MYH11: variants seen among roughly 807,000 people sequenced by gnomAD.
MYH11 encodes the protein myosin-11.
In MYH11, 80 loss-of-function variants were observed where a neutral mutation model predicts 246.6. That is an observed-to-expected ratio of 0.32 (90% CI 0.27 to 0.39). The LOEUF (loss-of-function observed/expected upper bound fraction) is 0.39. MYH11 is among the 10% of genes least tolerant of loss of function. MYH11 has a pLI of 1.00. For missense variants in MYH11, 2,158 were observed against 2,546.8 expected, an observed-to-expected ratio of 0.85 and a Z score of 3.29; for synonymous variants, 1,071 against 1,015.5, an observed-to-expected ratio of 1.05 and a Z score of -1.04.
In MYH11 at chr16:15,726,883, G is replaced by A. The variant is rs1182738877; in HGVS notation, c.3823C>T (p.Arg1275Trp). 1.1e-5 allele frequency: 17 copies of A among 1,612,268 alleles called. No homozygotes were observed. Among genetic ancestry groups the A allele is most frequent in the South Asian group, 5.5e-5 (5 of 91,076 alleles). The change falls in exon 28 of 41, where the codon CGG (arginine) becomes TGG (tryptophan). Residue 1275 changes from arginine (R) to tryptophan (W), a missense_variant. Arg to Trp is a moderately radical substitution (Grantham distance 101). Coordinates refer to ENST00000300036, the MANE Select transcript of MYH11 (RefSeq NM_002474.3). Reference sequence around the variant, plus strand: ...TGGACTTTGTCATTGAGCTCCGCCCGGGCCCGCTCCCCATCGCTGCACTTG... The same window carrying A: ...TGGACTTTGTCATTGAGCTCCGCCCAGGCCCGCTCCCCATCGCTGCACTTG... Reference protein sequence around the residue: ...QSKCSDGERARAELNDKVHKL... With the variant: ...QSKCSDGERAWAELNDKVHKL...
At chr16:15,816,223 A>G (rs113366165) in intron 3 of MYH11, among the ~76,000 whole-genome samples, 312 of 152,316 alleles carry the variant, frequency 2.0e-3, no homozygotes, top group African/African-American at 7.2e-3. Flanking sequence ...GGTGAAAAAG[A>G]TCCTATATGA....
chr16:15,719,859 C>G, intron 34 of MYH11, 146 bp from the exon 35 acceptor site: 1 of 1,265,480 alleles, frequency 7.9e-7, no homozygotes. Context: ...CTCTCAGTTC[C>G]AGGTGGCTGG....
chr16:15,753,434 A>T lies in MYH11; in HGVS notation c.1824T>A (p.Asn608Lys), dbSNP rs2041627821. 2 of 1,614,142 alleles carry T rather than the reference A, an allele frequency of 1.2e-6. No individual in the cohort carries two copies. Among genetic ancestry groups the T allele is most frequent in the East Asian group, 4.5e-5 (2 of 44,880 alleles). ...CGGCCACAAACTTGTCGGAGGAGGC[A>T]TTGAGCAGGGAAGTCACGTTGTCAT... ...PLNDNVTSLL[N>K]ASSDKFVADL... Residue 608 changes from asparagine (N) to lysine (K), a missense_variant, in exon 15 of 41, where the codon AAT becomes AAA. Around this residue, in one of 11 missense-constraint regions of MYH11, gnomAD observed 317 missense variants for 507.7 expected, o/e 0.62. Coordinates refer to ENST00000300036, the MANE Select transcript of MYH11 (RefSeq NM_002474.3).
intron 8 of MYH11, 111 bp from the exon 9 acceptor site, chr16:15,771,823 A>C: frequency 7.1e-7 from 1 of 1,412,496 alleles, no homozygotes; most frequent in Non-Finnish European, 9.8e-7. Flanking sequence ...CCCTTTATCA[A>C]GGCTTGAACC....
At chr16:15,746,057 C>T (rs959004733) in intron 19 of MYH11, among the ~76,000 whole-genome samples, 3 of 151,780 alleles carry the variant, frequency 2.0e-5, no homozygotes, top group Admixed American at 6.6e-5. Context: ...GTTGGGACTA[C>T]GGGCACATGC....
chr16:15,709,943 G>A (rs750808355), intron 40 of MYH11, among the ~76,000 whole-genome samples: 9 of 152,092 alleles, frequency 5.9e-5, no homozygotes, highest in African/African-American at 1.2e-4. Context: ...GGCTTGTGTC[G>A]AGATGCGTCT....
At chr16:15,819,504 A>G (rs1358856857) in intron 3 of MYH11, among the ~76,000 whole-genome samples, 31 of 151,956 alleles carry the variant, frequency 2.0e-4, no homozygotes, top group Admixed American at 2.0e-3. Context: ...AGAACCACCA[A>G]CCCTACTGTG....
Position 15,838,286 on chromosome 16 carries a change from C to A in MYH11, c.-17-17G>T, listed in dbSNP as rs1485431664. ...GTTGGTCCCCTGTGGAATAAGGTAA[C>A]AGGGTCAGAATCAGACCACAACCAA... On this transcript the variant is annotated splice_polypyrimidine_tract_variant and intron_variant, in intron 1 of 40. Coordinates refer to ENST00000300036, the MANE Select transcript of MYH11 (RefSeq NM_002474.3). 1 of 1,606,136 alleles carries A rather than the reference C, an allele frequency of 6.2e-7. No homozygotes were observed. Among genetic ancestry groups the A allele is most frequent in the Non-Finnish European group, 8.5e-7 (1 of 1,173,708 alleles).
intron 31 of MYH11, among the ~76,000 whole-genome samples, chr16:15,722,618 G>C (rs753057436): frequency 3.4e-4 from 51 of 152,214 alleles, no homozygotes; most frequent in Admixed American, 9.8e-4. Context: ...ACAGCCCAGA[G>C]GAGAGGTAGC....
intron 27 of MYH11, among the ~76,000 whole-genome samples, chr16:15,727,680 T>C (rs2040835504): frequency 6.6e-6 from 1 of 152,202 alleles, no homozygotes; most frequent in Non-Finnish European, 1.5e-5. Flanking sequence ...TCAAAAAACT[T>C]TAATGTTTGA....
chr16:15,837,036 T>C (rs1031925066), intron 2 of MYH11, among the ~76,000 whole-genome samples: 1 of 152,198 alleles, frequency 6.6e-6, no homozygotes, highest in African/African-American at 2.4e-5. Flanking sequence ...AATGTTTCTT[T>C]TAATTAATTT....
intron 40 of MYH11, among the ~76,000 whole-genome samples, chr16:15,705,594 C>G (rs1299096961): frequency 6.6e-6 from 1 of 152,150 alleles, no homozygotes; most frequent in Non-Finnish European, 1.5e-5. Flanking sequence ...TATTTTAGGA[C>G]ATCAAAGAAG....
intron 4 of MYH11, among the ~76,000 whole-genome samples, chr16:15,795,745 C>T (rs924914472): frequency 2.6e-5 from 4 of 152,202 alleles, no homozygotes; most frequent in African/African-American, 9.7e-5. Flanking sequence ...GGGGCAGTGG[C>T]CTGTTTCTCA....
rs1555569336 is a variant in MYH11 at position 15,788,077 on chromosome 16, C to CTTTTTTTTTTTTTTTTTTTTT, written c.531-1346_531-1345insAAAAAAAAAAAAAAAAAAAAA. On this transcript the variant is annotated intron_variant, in intron 4 of 40. Coordinates refer to ENST00000300036, the MANE Select transcript of MYH11 (RefSeq NM_002474.3). ...GTCCTCCTGGAATATGAAGGTAGAT[C>CTTTTTTTTTTTTTTTTTTTTT]TTTTTTTTTTTTTTTTTTACCAAGA... Among the ~76,000 whole-genome samples the CTTTTTTTTTTTTTTTTTTTTT allele has an allele frequency of 1.4e-3, 77 of 55,356 alleles. 18 individuals are homozygous for CTTTTTTTTTTTTTTTTTTTTT. The highest frequency in any genetic ancestry group is 3.6e-3 in the African/African-American group (59 of 16,172). 36.3% of individuals were successfully genotyped at this position (55,356 alleles called of 152,430 possible). A position where few individuals can be genotyped will look rare whatever the true frequency, so the allele number is the denominator to read the frequency against.
intron 1 of MYH11, among the ~76,000 whole-genome samples, chr16:15,853,222 G>A (rs1170401864): frequency 6.6e-6 from 1 of 151,984 alleles, no homozygotes; most frequent in Non-Finnish European, 1.5e-5. Flanking sequence ...CAGGGCCCAC[G>A]GCAGCCTTGA....
rs1486615063 is a variant in MYH11 at position 15,703,764 on chromosome 16, T to G, written c.*227A>C. The G allele has an allele frequency of 8.4e-6, 5 of 593,266 alleles. No individual in the cohort carries two copies. Among genetic ancestry groups the G allele is most frequent in the African/African-American group, 1.9e-5 (1 of 53,352 alleles). 36.8% of individuals were successfully genotyped at this position (593,266 alleles called of 1,614,324 possible). A position where few individuals can be genotyped will look rare whatever the true frequency, so the allele number is the denominator to read the frequency against. ...CCACCACGCCCAGCTTATTTTTAAA[T>G]TCTTGTATAGATGAGGTTTTACTAC... On this transcript the variant is annotated 3_prime_UTR_variant, in exon 41 of 41. Coordinates refer to ENST00000300036, the MANE Select transcript of MYH11 (RefSeq NM_002474.3).
intron 3 of MYH11, among the ~76,000 whole-genome samples, chr16:15,803,276 T>G (rs1186025537): frequency 8.2e-6 from 1 of 122,126 alleles, no homozygotes; most frequent in Non-Finnish European, 1.6e-5. Flanking sequence ...GAAACCAGTT[T>G]AATTTTTTTT....
intron 2 of MYH11, among the ~76,000 whole-genome samples, chr16:15,826,595 A>AAAAAGAAAAT (rs537417639): frequency 0.05 from 3,149 of 63,122 alleles, 102 homozygotes; most frequent in African/African-American, 0.38. Flanking sequence ...CTCAAAAAAG[A>AAAAAGAAAAT]AAAAGAAAGA....
chr16:15,833,313 A>G (rs749413163), intron 2 of MYH11, among the ~76,000 whole-genome samples: 1 of 151,580 alleles, frequency 6.6e-6, no homozygotes, highest in Non-Finnish European at 1.5e-5. Flanking sequence ...AAGAAAAAGA[A>G]AAAAGAAGAA....
Sources: allele counts gnomAD v4.1 joint callset (sites outside exome capture counted in the v4.1 genomes callset), GRCh38; gene constraint gnomAD v4.1.1; regional missense constraint gnomAD v4.1.1; transcripts MANE v1.5; gene names NCBI Gene and HGNC (gene_info 2026-07-23, HGNC 2026-07-21).